DPYD: variants seen among roughly 807,000 people sequenced by gnomAD.
DPYD encodes the protein dihydropyrimidine dehydrogenase [NADP(+)].
Under a neutral mutation model 116.2 loss-of-function variants are expected in DPYD, and 109 were observed. That is an observed-to-expected ratio of 0.94 (90% CI 0.80 to 1.10). The LOEUF (loss-of-function observed/expected upper bound fraction) is 1.10, where lower values mean the gene tolerates loss of function less well. Ranked by LOEUF, DPYD falls within the 50% of genes least tolerant of loss-of-function variation. The pLI, the probability that DPYD is intolerant of heterozygous loss-of-function variation, is 0.00. For synonymous variants in DPYD, 440 were observed against 432.0 expected, an observed-to-expected ratio of 1.02 and a Z score of -0.23; for missense variants, 1,302 against 1,254.5, an observed-to-expected ratio of 1.04 and a Z score of -0.57.
intron 20 of DPYD, among the ~76,000 whole-genome samples, chr1:97,166,012 T>C (rs933602738): frequency 6.6e-6 from 1 of 152,042 alleles, no homozygotes; most frequent in Non-Finnish European, 1.5e-5. Flanking sequence ...TGGAAAGCAA[T>C]GTGGAAATTC....
intron 18 of DPYD, among the ~76,000 whole-genome samples, chr1:97,272,998 C>T (rs938825627): frequency 7.2e-5 from 11 of 152,030 alleles, no homozygotes; most frequent in African/African-American, 2.7e-4. Context: ...ATGTACAAAA[C>T]TTTCAACCCT....
intron 19 of DPYD, among the ~76,000 whole-genome samples, chr1:97,209,407 C>T (rs1659891421): frequency 6.6e-6 from 1 of 151,892 alleles, no homozygotes; most frequent in African/African-American, 2.4e-5. Flanking sequence ...TTTTAAACTC[C>T]CTCCAGATTA....
intron 20 of DPYD, among the ~76,000 whole-genome samples, chr1:97,178,379 C>A (rs750300453): frequency 1.3e-5 from 2 of 152,162 alleles, no homozygotes; most frequent in Non-Finnish European, 2.9e-5. Context: ...CACAATTCTG[C>A]ACTGCTGAGG....
At chr1:97,112,470 T>C (rs1553215269) in intron 20 of DPYD, among the ~76,000 whole-genome samples, 1 of 152,100 alleles carries the variant, frequency 6.6e-6, no homozygotes, top group African/African-American at 2.4e-5. Context: ...AGCAAGACCA[T>C]TCTGTAGCCT....
intron 18 of DPYD, among the ~76,000 whole-genome samples, chr1:97,290,341 A>T (rs1666053480): frequency 1.3e-5 from 2 of 152,256 alleles, no homozygotes; most frequent in South Asian, 4.2e-4. Context: ...ACTACTTTAA[A>T]GTTCATATGG....
intron 13 of DPYD, among the ~76,000 whole-genome samples, chr1:97,451,344 C>T (rs147764253): frequency 0.017 from 2,596 of 152,264 alleles, 39 homozygotes; most frequent in Non-Finnish European, 0.026. Flanking sequence ...CTGCCAAATG[C>T]TACAGTTGCA....
At chr1:97,538,618 A>G (rs905496411) in intron 12 of DPYD, among the ~76,000 whole-genome samples, 9 of 152,170 alleles carry the variant, frequency 5.9e-5, no homozygotes, top group African/African-American at 2.2e-4. Context: ...CCTAATAAAC[A>G]CCTATTTCAA....
chr1:97,385,124 C>G (rs1672251618), intron 14 of DPYD, among the ~76,000 whole-genome samples: 1 of 151,628 alleles, frequency 6.6e-6, no homozygotes, highest in South Asian at 2.1e-4. Context: ...TACACAGCTT[C>G]AGTTAGAGAT....
chr1:97,663,954 C>G (rs1046749819), intron 8 of DPYD, among the ~76,000 whole-genome samples: 1 of 151,958 alleles, frequency 6.6e-6, no homozygotes, highest in African/African-American at 2.4e-5. Context: ...TTTTTGGATG[C>G]TCTTATATTG....
At chr1:97,173,312 G>A (rs1343531726) in intron 20 of DPYD, among the ~76,000 whole-genome samples, 2 of 147,420 alleles carry the variant, frequency 1.4e-5, no homozygotes, top group African/African-American at 5.1e-5. Context: ...ACATATATAT[G>A]CACACATATA....
chr1:97,824,878 TACA>T (rs943742053), intron 3 of DPYD, among the ~76,000 whole-genome samples: 38 of 152,228 alleles, frequency 2.5e-4, no homozygotes, highest in Non-Finnish European at 4.3e-4. Flanking sequence ...TTCCCTTGGC[TACA>T]ACAAGTATCA....
At chr1:97,385,791 C>G (rs1672310294) in intron 14 of DPYD, among the ~76,000 whole-genome samples, 1 of 152,212 alleles carries the variant, frequency 6.6e-6, no homozygotes, top group Non-Finnish European at 1.5e-5. Flanking sequence ...GGTTTAGCAG[C>G]CTTGACAGTA....
chr1:97,684,586 C>T (rs961974288), intron 7 of DPYD, among the ~76,000 whole-genome samples: 2 of 150,104 alleles, frequency 1.3e-5, no homozygotes. Context: ...TATATATATA[C>T]ACACACACCA....
rs538621283 is a variant in DPYD, at chr1:97,781,486, A to T, written c.234-41007T>A. Among the ~76,000 whole-genome samples, 6 of 152,336 alleles carry T rather than the reference A, an allele frequency of 3.9e-5. No individual in the cohort carries two copies. The South Asian group carries it at 1.2e-3, about 32-fold the overall frequency. The stretch of plus-strand genomic sequence containing the variant: ...GTTCCATGCATGTTTAGTTACATAA[A>T]GACATCCTTTCAACATCATTAAACC... On this transcript the variant is annotated intron_variant, in intron 3 of 22. Coordinates refer to ENST00000370192, the MANE Select transcript of DPYD (RefSeq NM_000110.4).
In DPYD at chr1:97,566,253, A is replaced by G. The variant is rs115047651; in HGVS notation, c.1339+7507T>C. Reference sequence around the variant, plus strand: ...GTGCATTCTTGGAGGCAAAGTTTGCATTTCTCTTTTCACTACTTTATCCCT... The same window carrying G: ...GTGCATTCTTGGAGGCAAAGTTTGCGTTTCTCTTTTCACTACTTTATCCCT... On this transcript the variant is annotated intron_variant, in intron 11 of 22. Coordinates refer to ENST00000370192, the MANE Select transcript of DPYD (RefSeq NM_000110.4). Among the ~76,000 whole-genome samples, 1,377 of 152,294 alleles carry G rather than the reference A, an allele frequency of 9.0e-3. 17 individuals are homozygous for G. Among genetic ancestry groups the G allele is most frequent in the African/African-American group, 0.032 (1,312 of 41,560 alleles).
At chr1:97,573,013 T>G (rs1053951986) in intron 11 of DPYD, among the ~76,000 whole-genome samples, 1 of 151,956 alleles carries the variant, frequency 6.6e-6, no homozygotes, top group Non-Finnish European at 1.5e-5. Flanking sequence ...TATTTTCCCT[T>G]CAGAAAACAA....
chr1:97,256,900 T>A (rs1433209310), intron 18 of DPYD, among the ~76,000 whole-genome samples: 2 of 152,086 alleles, frequency 1.3e-5, no homozygotes, highest in Non-Finnish European at 2.9e-5. Flanking sequence ...GTAATACATA[T>A]CCTTGTCCAC....
rs899457926 is a variant in DPYD at position 97,107,133 on chromosome 1, G to T, written c.2623-8501C>A. ...CTCACCCTGACTCACAATGGCTTCT[G>T]CCTTGAAACTCCTGCATGCTGTCAT... On this transcript the variant is annotated intron_variant, in intron 20 of 22. Transcript: ENST00000370192. Among the ~76,000 whole-genome samples the T allele has an allele frequency of 3.9e-5, 6 of 152,174 alleles. No individual in the cohort carries two copies. In the East Asian group the frequency reaches 1.2e-3, roughly 29 times the overall value.
chr1:97,848,288 G>C (rs1322715495), intron 2 of DPYD, among the ~76,000 whole-genome samples: 4 of 152,080 alleles, frequency 2.6e-5, no homozygotes, highest in African/African-American at 9.7e-5. Flanking sequence ...TAGTAGAGAC[G>C]GGGTTTCACC....
Sources: gnomAD v4.1 joint callset for allele counts (sites outside exome capture counted in the v4.1 genomes callset) on GRCh38, gnomAD v4.1.1 for gene constraint, MANE v1.5 for transcripts, NCBI Gene and HGNC (gene_info 2026-07-23, HGNC 2026-07-21) for gene names.